Variants in CA4 observed in about 807,000 individuals in gnomAD.
The protein encoded by CA4 is carbonic anhydrase 4.
CA4 carries 24 observed loss-of-function variants against 34.5 expected under a neutral mutation model. The ratio of observed to expected loss-of-function variants is 0.70; its 90% CI spans 0.50 to 0.98. The LOEUF (loss-of-function observed/expected upper bound fraction) is 0.98. CA4 is among the 50% of genes least tolerant of loss of function. The pLI, the probability that CA4 is intolerant of heterozygous loss-of-function variation, is 0.00. For missense variants in CA4, 394 were observed against 396.7 expected (o/e 0.99, Z 0.06); for synonymous variants, 178 against 170.6 (o/e 1.04, Z -0.34).
At chr17:60,161,688 T>A (rs1167621094), downstream of CA4, among the ~76,000 whole-genome samples, 1 of 151,202 alleles carries the variant, frequency 6.6e-6, no homozygotes, top group Non-Finnish European at 1.5e-5. Context: ...TTTCCCTCCG[T>A]CTTCCCTTTT....
At chr17:60,175,878 G>A (rs991903059), downstream of CA4, among the ~76,000 whole-genome samples, 23 of 148,316 alleles carry the variant, frequency 1.6e-4, no homozygotes, top group African/African-American at 5.5e-4. Context: ...GTGCAATGGC[G>A]TGATCTCAGC....
At chr17:60,150,700 T>C (rs1325610856) in intron 1 of CA4, among the ~76,000 whole-genome samples, 6 of 120,734 alleles carry the variant, frequency 5.0e-5, no homozygotes, top group African/African-American at 1.8e-4. Flanking sequence ...AGGATGCTTC[T>C]CGGACCCGCC....
intron 1 of CA4, 35 bp downstream of exon 1, chr17:60,150,127 G>T: frequency 2.6e-6 from 4 of 1,562,590 alleles, no homozygotes; most frequent in Non-Finnish European, 3.5e-6. Context: ...GGTGCCCCTC[G>T]GCGGTCCCCT....
chr17:60,175,492 C>CT (rs2083952205), downstream of CA4, among the ~76,000 whole-genome samples: 1 of 150,370 alleles, frequency 6.7e-6, no homozygotes, highest in African/African-American at 2.4e-5. Context: ...TTGCTTGAGC[C>CT]TGGGAGGTTG....
chr17:60,155,359 C>T lies in CA4; in HGVS notation c.104C>T (p.Pro35Leu). ...YEVQAESSNY[P>L]CLVPVKWGGN... ...GTTCAAGCCGAGTCCTCCAACTACCCCTGCTTGGGTGAGTACAGCCAGTCC... is the reference window on the plus strand; with the variant it reads ...GTTCAAGCCGAGTCCTCCAACTACCTCTGCTTGGGTGAGTACAGCCAGTCC... Residue 35 changes from proline (P) to leucine (L), a missense_variant, in exon 2 of 8, where the codon CCC (proline) becomes CTC (leucine). Pro to Leu is a moderately conservative substitution (Grantham distance 98, BLOSUM62 -3). Coordinates refer to ENST00000300900, the MANE Select transcript of CA4 (RefSeq NM_000717.5). The T allele has an allele frequency of 6.2e-7, 1 of 1,609,588 alleles. No homozygotes were observed. Among genetic ancestry groups the T allele is most frequent in the Non-Finnish European group, 8.5e-7 (1 of 1,178,030 alleles).
At chr17:60,161,964 C>T (rs1397326347), downstream of CA4, among the ~76,000 whole-genome samples, 1 of 152,016 alleles carries the variant, frequency 6.6e-6, no homozygotes, top group Non-Finnish European at 1.5e-5. Context: ...CTCCAGGCAA[C>T]CTTAGTGAAT....
chr17:60,176,557 C>T, the CA4 span, among the ~76,000 whole-genome samples: 4 of 152,112 alleles, frequency 2.6e-5, no homozygotes, highest in Non-Finnish European at 5.9e-5. Context: ...ATCTCCTGAT[C>T]TGCACAAAAA....
At chr17:60,154,369 A>T (rs1484473516) in intron 1 of CA4, among the ~76,000 whole-genome samples, 1 of 152,106 alleles carries the variant, frequency 6.6e-6, no homozygotes, top group African/African-American at 2.4e-5. Flanking sequence ...CATGTTACAG[A>T]TGATACAACT....
intron 6 of CA4, 31 bp downstream of exon 6, chr17:60,158,158 G>C (rs2083727469): frequency 1.9e-6 from 3 of 1,611,438 alleles, no homozygotes; most frequent in Non-Finnish European, 2.5e-6. Context: ...AGGGCTTGGG[G>C]TGAGGGGGGG....
intron 2 of CA4, among the ~76,000 whole-genome samples, chr17:60,155,621 AACACTC>A (rs977927140): frequency 6.0e-5 from 9 of 149,450 alleles, no homozygotes; most frequent in Non-Finnish European, 1.0e-4. Flanking sequence ...CACACACTCA[AACACTC>A]ACACTCACAC....
chr17:60,171,937 C>A (rs1408902907), downstream of CA4, among the ~76,000 whole-genome samples: 1 of 152,220 alleles, frequency 6.6e-6, no homozygotes, highest in East Asian at 1.9e-4. Context: ...GCAAACACTG[C>A]GGACTGGACT....
chr17:60,170,637 A>C (rs2083904127), exon 6 of CA4: 1 of 152,274 alleles, frequency 6.6e-6, no homozygotes, highest in Admixed American at 6.5e-5. Context: ...CTCTTTATTT[A>C]CATCATCTTC....
At chr17:60,167,500 G>GA (rs1202883871) in intron 5 of CA4, among the ~76,000 whole-genome samples, 1 of 152,252 alleles carries the variant, frequency 6.6e-6, no homozygotes, top group Non-Finnish European at 1.5e-5. Context: ...TGGCCACAGA[G>GA]AGGGAGGGCA....
At chr17:60,173,655 A>G (rs2083932668), downstream of CA4, among the ~76,000 whole-genome samples, 1 of 152,232 alleles carries the variant, frequency 6.6e-6, no homozygotes, top group Non-Finnish European at 1.5e-5. Flanking sequence ...GACTGGAAAT[A>G]ATGATTCATT....
chr17:60,157,573 G>A lies in CA4; in HGVS notation c.414+1G>A, dbSNP rs766104939. 4 of 1,614,118 alleles carry A rather than the reference G, an allele frequency of 2.5e-6. No individual in the cohort carries two copies. Among genetic ancestry groups the A allele is most frequent in the African/African-American group, 1.3e-5 (1 of 74,954 alleles). On this transcript the variant is annotated splice_donor_variant, in intron 4 of 7. Transcript: ENST00000300900. LOFTEE classifies it high-confidence loss of function. ...CGATGGGGAGCACTTTGCCATGGAG[G>A]TGAGGGCCCCTTCCCGACTGGGACC...
chr17:60,157,685 AC>A lies in CA4; in HGVS notation c.415-3del. ...GTCCCCTTTTCACCCCTCCACCCCG[AC>A]CAGATGCACATAGTACATGAGAAAG... On this transcript the variant is annotated splice_polypyrimidine_tract_variant and splice_region_variant and intron_variant, in intron 4 of 7. Coordinates refer to ENST00000300900, the MANE Select transcript of CA4 (RefSeq NM_000717.5). 6.2e-7 allele frequency: 1 copy of A among 1,613,578 alleles called. No individual in the cohort carries two copies. The highest frequency in any genetic ancestry group is 8.5e-7 in the Non-Finnish European group (1 of 1,179,472).
At chr17:60,162,089 G>C (rs980196591), downstream of CA4, among the ~76,000 whole-genome samples, 1 of 152,106 alleles carries the variant, frequency 6.6e-6, no homozygotes, top group Non-Finnish European at 1.5e-5. Flanking sequence ...GAGCCAGAAC[G>C]GGCACAGCTT....
At chr17:60,150,401 G>A (rs577893538) in intron 1 of CA4, among the ~76,000 whole-genome samples, 4 of 152,204 alleles carry the variant, frequency 2.6e-5, no homozygotes, top group East Asian at 3.9e-4. Flanking sequence ...GGCCGGGCGC[G>A]GGTGCTCCAG....
rs777639074 is a variant in CA4, at chr17:60,157,535, C to G, written c.377C>G (p.Ser126Trp). 6.2e-7 allele frequency: 1 copy of G among 1,614,034 alleles called. No individual in the cohort carries two copies. The highest frequency in any genetic ancestry group is 8.5e-7 in the Non-Finnish European group (1 of 1,180,024). The stretch of plus-strand genomic sequence containing the variant: ...TGGTCCGACTTGCCATATAAGGGCT[C>G]GGAGCACAGCCTCGATGGGGAGCAC... The part of the protein sequence containing the change: ...LHWSDLPYKG[S>W]EHSLDGEHFA... The change falls in exon 4 of 8, where the codon TCG (serine) becomes TGG (tryptophan). Residue 126 changes from serine to tryptophan, a missense_variant. Transcript: ENST00000300900.
Sources: gnomAD v4.1 joint callset for allele counts (sites outside exome capture counted in the v4.1 genomes callset) on GRCh38, gnomAD v4.1.1 for gene constraint, MANE v1.5 for transcripts, NCBI Gene and HGNC (gene_info 2026-07-23, HGNC 2026-07-21) for gene names.